RTN1: variants seen among roughly 807,000 people sequenced by gnomAD.
RTN1 encodes reticulon-1.
In RTN1, 25 loss-of-function variants were observed where a neutral mutation model predicts 65.5. The observed-to-expected ratio is 0.38, with a 90% confidence interval of 0.28 to 0.53. The LOEUF (loss-of-function observed/expected upper bound fraction) is 0.53, where lower values mean the gene tolerates loss of function less well. RTN1 is among the 20% of genes least tolerant of loss of function. The pLI is 0.79. For missense variants in RTN1, 983 were observed against 1,025.4 expected, an observed-to-expected ratio of 0.96 and a Z score of 0.57; for synonymous variants, 471 against 447.6, an observed-to-expected ratio of 1.05 and a Z score of -0.66.
In RTN1 at chr14:59,596,865, G is replaced by T. The variant is rs371698389; in HGVS notation, c.2289-78C>A. 2.8e-5 allele frequency: 31 copies of T among 1,092,922 alleles called. No individual in the cohort carries two copies. The African/African-American group carries it at 4.3e-4, about 15-fold the overall frequency. The allele number at this position is 1,092,922 out of a possible 1,614,324, so 67.7% of individuals were successfully genotyped here. A position where few individuals can be genotyped will look rare whatever the true frequency, so the allele number is the denominator to read the frequency against. On this transcript the variant is annotated intron_variant, in intron 8 of 8. Coordinates refer to ENST00000267484, the MANE Select transcript of RTN1 (RefSeq NM_021136.3). ...ATTTTATGTGTTGTTGCTTTAATTA[G>T]CTAAGTGACCAAAGAACTTAATATT...
chr14:59,667,039 AG>A (rs1233449429), intron 3 of RTN1, among the ~76,000 whole-genome samples: 21 of 150,934 alleles, frequency 1.4e-4, no homozygotes, highest in African/African-American at 5.1e-4. Context: ...TACAAAGAGG[AG>A]CTGGTACCAT....
chr14:59,706,903 A>G (rs938561675), intron 3 of RTN1, among the ~76,000 whole-genome samples: 7 of 152,188 alleles, frequency 4.6e-5, no homozygotes, highest in African/African-American at 1.7e-4. Context: ...TATTCTTTAA[A>G]TATTCTATAT....
chr14:59,683,487 G>A (rs1037513075), intron 3 of RTN1, among the ~76,000 whole-genome samples: 1 of 151,222 alleles, frequency 6.6e-6, no homozygotes, highest in Non-Finnish European at 1.5e-5. Flanking sequence ...TTTGTCTCTG[G>A]CCAGTCTCAA....
chr14:59,841,716 C>A (rs10134259), intron 1 of RTN1, among the ~76,000 whole-genome samples: 36,543 of 136,704 alleles, frequency 0.27, 4,810 homozygotes, highest in East Asian at 0.56. Context: ...AAAAAAAAAA[C>A]AAAAAAAAAA....
chr14:59,747,271 A>G (rs1028685339), intron 1 of RTN1, among the ~76,000 whole-genome samples: 5 of 152,224 alleles, frequency 3.3e-5, no homozygotes, highest in Non-Finnish European at 5.9e-5. Context: ...TATTTTCACC[A>G]GGCTCTAATT....
At chr14:59,600,150 C>T (rs1458189074) in intron 8 of RTN1, among the ~76,000 whole-genome samples, 1 of 152,064 alleles carries the variant, frequency 6.6e-6, no homozygotes, top group Non-Finnish European at 1.5e-5. Flanking sequence ...GGTGAAACGA[C>T]CTAGACAGGG....
At position 59,750,153 on chromosome 14, in the gene RTN1, A is replaced by ATC. The variant is rs1566713199; in HGVS notation, c.242-3673_242-3672insGA. ...CTATAATATATAATATATATATTATAGATAATATATATTATATCTATAATA... is the reference window on the plus strand; with the variant it reads ...CTATAATATATAATATATATATTATATCGATAATATATATTATATCTATAATA... On this transcript the variant is annotated intron_variant, in intron 1 of 8. Coordinates refer to ENST00000267484, the MANE Select transcript of RTN1 (RefSeq NM_021136.3). Among the ~76,000 whole-genome samples, 123 of 60,310 alleles carry ATC rather than the reference A, an allele frequency of 2.0e-3. 1 individual carries two copies. The highest frequency in any genetic ancestry group is 3.7e-3 in the Admixed American group (12 of 3,262). 39.6% of individuals were successfully genotyped at this position (60,310 alleles called of 152,430 possible). A position where few individuals can be genotyped will look rare whatever the true frequency, so the allele number is the denominator to read the frequency against.
chr14:59,597,395 CA>C, intron 8 of RTN1, among the ~76,000 whole-genome samples: 1 of 152,220 alleles, frequency 6.6e-6, no homozygotes, highest in East Asian at 1.9e-4. Context: ...TAGATATCTC[CA>C]GGGTCCTGAA....
At chr14:59,657,811 G>T (rs1201402623) in intron 3 of RTN1, among the ~76,000 whole-genome samples, 1 of 152,054 alleles carries the variant, frequency 6.6e-6, no homozygotes, top group Non-Finnish European at 1.5e-5. Flanking sequence ...GCACAAAACT[G>T]GACAGCCATT....
chr14:59,657,251 A>T (rs908513636), intron 3 of RTN1, among the ~76,000 whole-genome samples: 1 of 152,096 alleles, frequency 6.6e-6, no homozygotes, highest in Non-Finnish European at 1.5e-5. Context: ...TCTACTAAAA[A>T]TACAAAAATT....
chr14:59,738,951 A>C (rs527792628), intron 2 of RTN1, among the ~76,000 whole-genome samples: 1 of 152,258 alleles, frequency 6.6e-6, no homozygotes, highest in South Asian at 2.1e-4. Context: ...CTGAATGATA[A>C]GAACACATGG....
At chr14:59,841,088 T>A (rs532566173) in intron 1 of RTN1, among the ~76,000 whole-genome samples, 12 of 152,310 alleles carry the variant, frequency 7.9e-5, no homozygotes, top group African/African-American at 2.9e-4. Flanking sequence ...ATATACCTCA[T>A]AAGCAGAAGT....
intron 1 of RTN1, among the ~76,000 whole-genome samples, chr14:59,758,034 C>T (rs752747158): frequency 2.5e-4 from 38 of 152,104 alleles, no homozygotes; most frequent in Non-Finnish European, 8.8e-5. Flanking sequence ...TGTGTTCTGC[C>T]TATTCATCCT....
chr14:59,668,256 T>A (rs916355927), intron 3 of RTN1, among the ~76,000 whole-genome samples: 2 of 151,736 alleles, frequency 1.3e-5, no homozygotes, highest in African/African-American at 4.8e-5. Flanking sequence ...CAAAACAGAT[T>A]TATAGACCAA....
chr14:59,755,297 T>C (rs1308549019), intron 1 of RTN1, among the ~76,000 whole-genome samples: 1 of 152,146 alleles, frequency 6.6e-6, no homozygotes, highest in African/African-American at 2.4e-5. Context: ...CCAATTATTG[T>C]TTGAATAGAG....
chr14:59,778,638 A>G (rs1337057231), intron 1 of RTN1, among the ~76,000 whole-genome samples: 1 of 152,210 alleles, frequency 6.6e-6, no homozygotes, highest in Non-Finnish European at 1.5e-5. Flanking sequence ...ATATTACACA[A>G]GTGAAGATGT....
intron 1 of RTN1, among the ~76,000 whole-genome samples, chr14:59,848,366 C>T (rs1203783891): frequency 1.3e-5 from 2 of 152,198 alleles, no homozygotes; most frequent in African/African-American, 2.4e-5. Flanking sequence ...ATATCAAGGA[C>T]ATTCATCCAA....
chr14:59,641,155 A>G (rs865846591), intron 3 of RTN1, among the ~76,000 whole-genome samples: 1 of 151,932 alleles, frequency 6.6e-6, no homozygotes, highest in East Asian at 1.9e-4. Flanking sequence ...TTTTGTAGAG[A>G]TGGAGTTTTG....
chr14:59,608,816 G>A (rs1881848157), intron 3 of RTN1, among the ~76,000 whole-genome samples: 5 of 152,158 alleles, frequency 3.3e-5, no homozygotes, highest in Admixed American at 3.3e-4. Context: ...AAATAGAGAA[G>A]AGGCTCACAA....
Sources: gnomAD v4.1 joint callset for allele counts (sites outside exome capture counted in the v4.1 genomes callset) on GRCh38, gnomAD v4.1.1 for gene constraint, MANE v1.5 for transcripts, NCBI Gene and HGNC (gene_info 2026-07-23, HGNC 2026-07-21) for gene names.